Variants in CPN2 observed in about 807,000 individuals in gnomAD.
CPN2 encodes carboxypeptidase N 83 kDa chain.
For synonymous variants in CPN2, 336 were observed against 318.4 expected (o/e 1.06, Z -0.59); for missense variants, 620 against 671.4 (o/e 0.92, Z 0.85).
At chr3:194,343,576 G>A (rs561488572) in intron 1 of CPN2, among the ~76,000 whole-genome samples, 58 of 152,338 alleles carry the variant, frequency 3.8e-4, no homozygotes, top group Non-Finnish European at 5.3e-4. Context: ...GTGCCCTCCA[G>A]GCCGCCACTG....
intron 1 of CPN2, among the ~76,000 whole-genome samples, chr3:194,343,937 G>A (rs146986056): frequency 1.1e-4 from 17 of 152,276 alleles, no homozygotes; most frequent in African/African-American, 3.6e-4. Context: ...CTCTTTAGAC[G>A]GAATACACTT....
intron 1 of CPN2, among the ~76,000 whole-genome samples, chr3:194,344,706 A>T (rs115550002): frequency 0.054 from 8,231 of 152,200 alleles, 647 homozygotes; most frequent in African/African-American, 0.18. Flanking sequence ...AAAAATAAAT[A>T]AATTAATTAA....
chr3:194,346,547 G>A (rs918235593), intron 1 of CPN2, among the ~76,000 whole-genome samples: 1 of 152,190 alleles, frequency 6.6e-6, no homozygotes, highest in Non-Finnish European at 1.5e-5. Context: ...GAGTGGCTAC[G>A]AGTCAGACAG....
intron 1 of CPN2, among the ~76,000 whole-genome samples, chr3:194,345,030 A>C (rs1418173845): frequency 6.6e-6 from 1 of 152,134 alleles, no homozygotes; most frequent in Non-Finnish European, 1.5e-5. Flanking sequence ...GCCACCCCTG[A>C]CCCTAGGAAG....
chr3:194,349,763 C>T (rs997961432), intron 1 of CPN2, among the ~76,000 whole-genome samples: 1 of 144,588 alleles, frequency 6.9e-6, no homozygotes, highest in African/African-American at 2.6e-5. Context: ...ATGAAGCCTT[C>T]CTGACTACCC....
Position 194,341,128 on chromosome 3 carries a change from C to T in CPN2, c.1575G>A (p.Leu525=), listed in dbSNP as rs1223580377. The change falls in exon 2 of 2, where the codon CTG becomes CTA. Residue 525 remains leucine (L), a synonymous_variant. Transcript: ENST00000323830. ...LQYNASQEWD[L]RSSCGSLRLT... ...GCCGCAGAGAACCGCAGCTCGACCTCAGGTCCCACTCCTGACTAGCATTGT... is the reference window on the plus strand; with the variant it reads ...GCCGCAGAGAACCGCAGCTCGACCTTAGGTCCCACTCCTGACTAGCATTGT... 6.2e-7 allele frequency: 1 copy of T among 1,612,976 alleles called. No individual in the cohort carries two copies. The highest frequency in any genetic ancestry group is 8.5e-7 in the Non-Finnish European group (1 of 1,179,626).
At chr3:194,346,614 C>T (rs1216706963) in intron 1 of CPN2, among the ~76,000 whole-genome samples, 1 of 152,236 alleles carries the variant, frequency 6.6e-6, no homozygotes, top group Admixed American at 6.5e-5. Context: ...GACTGCATTG[C>T]TTAACCTCTC....
rs1182799892 is a variant in CPN2, at chr3:194,341,959, C to T, written c.744G>A (p.Leu248=). ...GCAGGTGCGTGATGGCGTTGCGTTG[C>T]AGCCACAGCCTCTCTAGGCAGAAGA... is the stretch of plus-strand genomic sequence containing the variant. ...SQLFCLERLW[L]QRNAITHLPL... Residue 248 remains leucine, a synonymous_variant, in exon 2 of 2, where the codon CTG becomes CTA. Coordinates refer to ENST00000323830, the MANE Select transcript of CPN2 (RefSeq NM_001080513.4). The T allele has an allele frequency of 1.9e-6, 3 of 1,613,978 alleles. No individual in the cohort carries two copies. Among genetic ancestry groups the T allele is most frequent in the Non-Finnish European group, 2.5e-6 (3 of 1,180,030 alleles).
intron 1 of CPN2, among the ~76,000 whole-genome samples, chr3:194,342,971 G>A (rs1048960106): frequency 2.6e-5 from 4 of 152,202 alleles, no homozygotes. Flanking sequence ...ATAACATATA[G>A]GATATGGACA....
intron 1 of CPN2, among the ~76,000 whole-genome samples, chr3:194,344,852 C>G (rs754443817): frequency 2.0e-5 from 3 of 152,124 alleles, no homozygotes; most frequent in Non-Finnish European, 4.4e-5. Context: ...TCCCTAGACC[C>G]CAGCTACAGA....
At position 194,341,236 on chromosome 3, in the gene CPN2, G is replaced by A. The variant is rs750348512; in HGVS notation, c.1467C>T (p.Thr489=). The A allele has an allele frequency of 1.4e-5, 23 of 1,613,414 alleles. No individual in the cohort carries two copies. The highest frequency in any genetic ancestry group is 6.7e-5 in the African/African-American group (5 of 74,942). Reference sequence around the variant, plus strand: ...GGGCCTGGTCACAGGCGAGCACCACGGTGCCCTCGGGGTTGCTGTAGGTGC... The same window carrying A: ...GGGCCTGGTCACAGGCGAGCACCACAGTGCCCTCGGGGTTGCTGTAGGTGC... ...SQCTYSNPEG[T]VVLACDQAQC... The change falls in exon 2 of 2, where the codon ACC becomes ACT. Residue 489 remains threonine (T), a synonymous_variant. Coordinates refer to ENST00000323830, the MANE Select transcript of CPN2 (RefSeq NM_001080513.4).
Position 194,342,049 on chromosome 3 carries a change from G to C in CPN2, c.654C>G (p.Ser218Arg), listed in dbSNP as rs758219499. 13 of 1,614,084 alleles carry C rather than the reference G, an allele frequency of 8.1e-6. No individual in the cohort carries two copies. The Admixed American group carries it at 2.0e-4, about 25-fold the overall frequency. ...TGCTGTCCAGGAAGAGCTCCTGCAG[G>C]CTGCCCAGTTTGCCAAACACACCCT... The part of the protein sequence containing the change: ...LPQGVFGKLG[S>R]LQELFLDSNN... The change falls in exon 2 of 2, where the codon AGC (serine) becomes AGG (arginine). Residue 218 changes from serine to arginine, a missense_variant. By Grantham distance (110) the Ser-to-Arg change is moderately radical (BLOSUM62 -1). Transcript: ENST00000323830.
intron 1 of CPN2, among the ~76,000 whole-genome samples, chr3:194,347,449 G>C (rs2108650185): frequency 6.6e-6 from 1 of 152,270 alleles, no homozygotes; most frequent in South Asian, 2.1e-4. Context: ...AACGGGCCTG[G>C]ATTTGGCCAT....
At chr3:194,342,952 T>C (rs1712917751) in intron 1 of CPN2, among the ~76,000 whole-genome samples, 1 of 152,186 alleles carries the variant, frequency 6.6e-6, no homozygotes, top group Admixed American at 6.5e-5. Flanking sequence ...CATTGTGGAA[T>C]TTTTAAAGAT....
chr3:194,341,066 T>A lies in CPN2; in HGVS notation c.1637A>T (p.Ter546LeuextTer1). Reference sequence around the variant, plus strand: ...CCCCAGCTCCTGTATGCGCTGCTACTAGGGCCCTGCTGCCCGAGCCTCGAT... The same window carrying A: ...CCCCAGCTCCTGTATGCGCTGCTACAAGGGCCCTGCTGCCCGAGCCTCGAT... Reference protein sequence around the residue: ...VSIEARAAGP* With the variant: ...VSIEARAAGPL Residue 546 changes from the stop codon to leucine (L), a stop_lost, in exon 2 of 2, where the codon TAG becomes TTG. Transcript: ENST00000323830. The A allele has an allele frequency of 6.3e-7, 1 of 1,596,868 alleles. No homozygotes were observed. The highest frequency in any genetic ancestry group is 2.2e-5 in the East Asian group (1 of 44,560).
chr3:194,340,978 C>T lies in CPN2; in HGVS notation c.*87G>A. 6.9e-7 allele frequency: 1 copy of T among 1,453,156 alleles called. No homozygotes were observed. Among genetic ancestry groups the T allele is most frequent in the Non-Finnish European group, 9.0e-7 (1 of 1,105,396 alleles). 90.0% of individuals were successfully genotyped at this position (1,453,156 alleles called of 1,614,324 possible). On this transcript the variant is annotated 3_prime_UTR_variant, in exon 2 of 2. Coordinates refer to ENST00000323830, the MANE Select transcript of CPN2 (RefSeq NM_001080513.4). ...GTCCCTTGCATGTGAAAAGCCAAGGCTTCGGAGACTCAGCTCCCCTCCGCC... is the reference window on the plus strand; with the variant it reads ...GTCCCTTGCATGTGAAAAGCCAAGGTTTCGGAGACTCAGCTCCCCTCCGCC...
intron 1 of CPN2, among the ~76,000 whole-genome samples, chr3:194,343,499 G>C (rs1376518367): frequency 6.6e-6 from 1 of 152,250 alleles, no homozygotes; most frequent in Non-Finnish European, 1.5e-5. Context: ...TCTGGGGACA[G>C]TGGGCCCGCA....
At chr3:194,348,784 C>A (rs547459321) in intron 1 of CPN2, among the ~76,000 whole-genome samples, 1 of 151,918 alleles carries the variant, frequency 6.6e-6, no homozygotes, top group African/African-American at 2.4e-5. Flanking sequence ...CTCAACTACT[C>A]GAGAGGCTGA....
At chr3:194,350,181 C>T (rs148159221) in intron 1 of CPN2, among the ~76,000 whole-genome samples, 1 of 152,288 alleles carries the variant, frequency 6.6e-6, no homozygotes, top group African/African-American at 2.4e-5. Context: ...CAGTTGCACC[C>T]ACCCGACTGA....
Sources: allele counts gnomAD v4.1 joint callset (sites outside exome capture counted in the v4.1 genomes callset), GRCh38; gene constraint gnomAD v4.1.1; transcripts MANE v1.5; gene names NCBI Gene and HGNC (gene_info 2026-07-23, HGNC 2026-07-21).